Variants in LRRK1 observed in about 807,000 individuals in gnomAD.
The protein encoded by LRRK1 is leucine-rich repeat serine/threonine-protein kinase 1.
Under a neutral mutation model 209.1 loss-of-function variants are expected in LRRK1, and 113 were observed. The ratio of observed to expected loss-of-function variants is 0.54; its 90% CI spans 0.46 to 0.63. The LOEUF is 0.63. Ranked by LOEUF, LRRK1 falls within the 30% of genes least tolerant of loss-of-function variation. LRRK1 has a pLI of 0.00. For synonymous variants in LRRK1, 1,144 were observed against 1,099.7 expected (o/e 1.04, Z -0.80); for missense variants, 2,284 against 2,632.2 (o/e 0.87, Z 2.89).
rs980710811 is a variant in LRRK1 at position 101,004,450 on chromosome 15, C to T, written c.763-4387C>T. Among the ~76,000 whole-genome samples, 37 of 152,152 alleles carry T rather than the reference C, an allele frequency of 2.4e-4. 1 individual carries two copies. The highest frequency in any genetic ancestry group is 1.3e-4 in the Non-Finnish European group (9 of 68,032). The stretch of plus-strand genomic sequence containing the variant: ...TTGCAGGTCTTGGTGGCTTGAATCT[C>T]TTCAGCTCACAAACACTGATTTAGT... On this transcript the variant is annotated intron_variant, in intron 6 of 33. Transcript: ENST00000388948.
rs1408124762 is a variant in LRRK1 at position 101,027,528 on chromosome 15, G to A, written c.2527-110G>A. ...AGGGAGGGTCAGGATGGAAGATAGT[G>A]GGTGGAAACGTCCCACCCCCTCAGG... is the stretch of plus-strand genomic sequence containing the variant. On this transcript the variant is annotated intron_variant, in intron 18 of 33. Coordinates refer to ENST00000388948, the MANE Select transcript of LRRK1 (RefSeq NM_024652.6). This position sits in a 1 kb window ranked among gnomAD's most constrained non-coding sequence, Gnocchi z 5.1. 1 of 1,497,870 alleles carries A rather than the reference G, an allele frequency of 6.7e-7. No individual in the cohort carries two copies. Among genetic ancestry groups the A allele is most frequent in the Non-Finnish European group, 9.0e-7 (1 of 1,111,916 alleles). The allele number at this position is 1,497,870 out of a possible 1,614,324, so 92.8% of individuals were successfully genotyped here.
intron 6 of LRRK1, among the ~76,000 whole-genome samples, chr15:101,001,784 C>T (rs868639266): frequency 3.0e-4 from 46 of 152,236 alleles, no homozygotes; most frequent in African/African-American, 1.0e-3. Context: ...AAGGGATCTA[C>T]GGTTTCTAGG....
chr15:101,013,927 A>G (rs2033407915), intron 10 of LRRK1, among the ~76,000 whole-genome samples: 1 of 152,158 alleles, frequency 6.6e-6, no homozygotes, highest in South Asian at 2.1e-4. Context: ...ACTGTACTGC[A>G]TGCCCCATGC....
At chr15:100,949,340 T>G (rs1224216098) in intron 2 of LRRK1, among the ~76,000 whole-genome samples, 1 of 152,124 alleles carries the variant, frequency 6.6e-6, no homozygotes, top group Non-Finnish European at 1.5e-5. Context: ...GTAGAAAATC[T>G]AATTACACTT....
intron 6 of LRRK1, among the ~76,000 whole-genome samples, chr15:100,996,265 C>G (rs1596250586): frequency 6.6e-6 from 1 of 152,278 alleles, no homozygotes; most frequent in South Asian, 2.1e-4. Context: ...GCCACATACC[C>G]TCTTCTCAGC....
At chr15:100,951,716 C>T (rs561036413) in intron 2 of LRRK1, among the ~76,000 whole-genome samples, 2 of 152,024 alleles carry the variant, frequency 1.3e-5, no homozygotes, top group African/African-American at 4.8e-5. Flanking sequence ...CTTTGGGAGG[C>T]CGAGACAGGT....
At chr15:100,958,495 C>T (rs1383363802) in intron 2 of LRRK1, among the ~76,000 whole-genome samples, 2 of 152,206 alleles carry the variant, frequency 1.3e-5, no homozygotes, top group South Asian at 2.1e-4. Flanking sequence ...GCCTCACTAA[C>T]ATTTGACCCA....
At chr15:101,036,819 G>T (rs2034511099) in intron 20 of LRRK1, among the ~76,000 whole-genome samples, 1 of 152,218 alleles carries the variant, frequency 6.6e-6, no homozygotes, top group Non-Finnish European at 1.5e-5. Flanking sequence ...AGGGCACTTT[G>T]GCTTTCATTC....
At chr15:100,941,604 G>T (rs982691268) in intron 2 of LRRK1, among the ~76,000 whole-genome samples, 1 of 152,034 alleles carries the variant, frequency 6.6e-6, no homozygotes, top group Admixed American at 6.5e-5. Context: ...TTCCTCAGAT[G>T]CTTGCGGGTG....
chr15:101,009,020 G>C lies in LRRK1; in HGVS notation c.946G>C (p.Glu316Gln), dbSNP rs574940704. ...GAACCTCTCCGACAACCACCTGGGG[G>C]AGCTGCCTGGCGTGCAGTCATCGGA... ...KLNLSDNHLG[E>Q]LPGVQSSDEI... is the part of the protein sequence containing the mutation. Residue 316 changes from glutamate (E) to glutamine (Q), a missense_variant, in exon 7 of 34, where the codon GAG becomes CAG. Glu to Gln is a conservative substitution (Grantham distance 29). This residue lies in a region of LRRK1 where 494 missense variants were observed against 522.1 expected (regional missense o/e 0.95). Transcript: ENST00000388948. 1.5e-5 allele frequency: 24 copies of C among 1,614,168 alleles called. No individual in the cohort carries two copies. The East Asian group carries it at 4.9e-4, about 33-fold the overall frequency.
At chr15:101,049,429 C>A in intron 22 of LRRK1, 1 of 503,740 alleles carries the variant, frequency 2.0e-6, no homozygotes, top group Non-Finnish European at 3.5e-6. Flanking sequence ...TGACTGCAAT[C>A]TTCCTCGTGC....
Position 101,062,573 on chromosome 15 carries a change from G to C in LRRK1, c.4798-1G>C. ...CACAGTGGACCTGTCTGCCTCTGCAGGACCAGAAAATCTACATCTACACCC... is the reference window on the plus strand; with the variant it reads ...CACAGTGGACCTGTCTGCCTCTGCACGACCAGAAAATCTACATCTACACCC... On this transcript the variant is annotated splice_acceptor_variant, in intron 30 of 33. Transcript: ENST00000388948. LOFTEE classifies it high-confidence loss of function. The C allele has an allele frequency of 6.2e-7, 1 of 1,606,888 alleles. No individual in the cohort carries two copies. The highest frequency in any genetic ancestry group is 8.5e-7 in the Non-Finnish European group (1 of 1,173,458).
chr15:101,000,541 A>G (rs575100221), intron 6 of LRRK1, among the ~76,000 whole-genome samples: 6 of 152,164 alleles, frequency 3.9e-5, no homozygotes, highest in Non-Finnish European at 8.8e-5. Context: ...GTCCACGGTC[A>G]AGGTGTTGGA....
At position 100,955,785 on chromosome 15, in the gene LRRK1, C is replaced by G. The variant is rs916967852; in HGVS notation, c.98-18019C>G. ...CCTTTATTCTGTTAATGTGGTGTAT[C>G]GTGTCTGTTGATTTGCATATGCTGA... On this transcript the variant is annotated intron_variant, in intron 2 of 33. Transcript: ENST00000388948. 5.3e-5 allele frequency among the ~76,000 whole-genome samples: 8 copies of G among 151,944 alleles called. No homozygotes were observed. In the East Asian group the frequency reaches 1.5e-3, roughly 29 times the overall value.
rs528255359 is a variant in LRRK1, at chr15:101,071,966, G to A, written c.*3118G>A. 6.6e-6 allele frequency: 1 copy of A among 152,476 alleles called. No individual in the cohort carries two copies. Among genetic ancestry groups the A allele is most frequent in the East Asian group, 1.9e-4 (1 of 5,190 alleles). 9.4% of individuals were successfully genotyped at this position (152,476 alleles called of 1,614,324 possible). Reference sequence around the variant, plus strand: ...CCCTGTTGTGGGTTCAAGCCACTGTGTGGGAGGGACAGGAGAGCCTGGCGT... The same window carrying A: ...CCCTGTTGTGGGTTCAAGCCACTGTATGGGAGGGACAGGAGAGCCTGGCGT... On this transcript the variant is annotated 3_prime_UTR_variant, in exon 34 of 34. Coordinates refer to ENST00000388948, the MANE Select transcript of LRRK1 (RefSeq NM_024652.6).
At position 101,010,658 on chromosome 15, in the gene LRRK1, T is replaced by A; in HGVS notation, c.1118-16T>A. On this transcript the variant is annotated splice_polypyrimidine_tract_variant and intron_variant, in intron 8 of 33. Transcript: ENST00000388948. Reference sequence around the variant, plus strand: ...TTTTACCAATTCATACTTTGGGTCTTTTTTTTTTTTTTTAGCCACTAACTG... The same window carrying A: ...TTTTACCAATTCATACTTTGGGTCTATTTTTTTTTTTTTAGCCACTAACTG... The A allele has an allele frequency of 4.7e-5, 1 of 21,110 alleles. No individual in the cohort carries two copies. The highest frequency in any genetic ancestry group is 6.0e-5 in the Non-Finnish European group (1 of 16,668). The allele number at this position is 21,110 out of a possible 1,614,324, so 1.3% of individuals were successfully genotyped here. A position where few individuals can be genotyped will look rare whatever the true frequency, so the allele number is the denominator to read the frequency against.
At chr15:101,063,402 C>A (rs1346287633) in intron 31 of LRRK1, among the ~76,000 whole-genome samples, 1 of 152,216 alleles carries the variant, frequency 6.6e-6, no homozygotes, top group Non-Finnish European at 1.5e-5. Context: ...CTCCACGCAC[C>A]TCTTCCCAGA....
intron 2 of LRRK1, among the ~76,000 whole-genome samples, chr15:100,961,876 T>G (rs2029993516): frequency 6.6e-6 from 1 of 152,172 alleles, no homozygotes; most frequent in Non-Finnish European, 1.5e-5. Flanking sequence ...CAGGACACTT[T>G]CTACAGCATC....
intron 19 of LRRK1, 140 bp from the exon 20 acceptor site, chr15:101,028,816 G>T: frequency 1.1e-6 from 1 of 947,420 alleles, no homozygotes; most frequent in Admixed American, 2.3e-5. Flanking sequence ...CAGCCCACCT[G>T]AAGGGTCCAG....
Sources: gnomAD v4.1 joint callset for allele counts (sites outside exome capture counted in the v4.1 genomes callset) on GRCh38, gnomAD v4.1.1 for gene constraint, gnomAD v4.1.1 regional missense constraint, Gnocchi (gnomAD v3.1) non-coding constraint, MANE v1.5 for transcripts, NCBI Gene and HGNC (gene_info 2026-07-23, HGNC 2026-07-21) for gene names.